ZMYM2: variants seen among roughly 807,000 people sequenced by gnomAD.
The protein encoded by ZMYM2 is zinc finger MYM-type containing 2, also known as zinc finger MYM-type protein 2.
ZMYM2 carries 56 observed loss-of-function variants against 162.8 expected under a neutral mutation model. That is an observed-to-expected ratio of 0.34 (90% CI 0.28 to 0.43). The LOEUF is 0.43. Ranked by LOEUF, ZMYM2 falls within the 20% of genes least tolerant of loss-of-function variation. ZMYM2 has a pLI of 1.00. For synonymous variants in ZMYM2, 510 were observed against 541.6 expected, an observed-to-expected ratio of 0.94 and a Z score of 0.81; for missense variants, 1,275 against 1,621.8, an observed-to-expected ratio of 0.79 and a Z score of 3.67.
intron 4 of ZMYM2, 76 bp from the exon 5 acceptor site, chr13:20,004,998 T>G: frequency 8.0e-7 from 1 of 1,242,464 alleles, no homozygotes; most frequent in South Asian, 1.4e-5. Context: ...TCTATAGAAA[T>G]GAAAAATGTC....
intron 2 of ZMYM2, among the ~76,000 whole-genome samples, chr13:19,989,188 CAGT>C (rs1438132726): frequency 6.6e-6 from 1 of 152,140 alleles, no homozygotes; most frequent in African/African-American, 2.4e-5. Context: ...CATAACATCA[CAGT>C]AGTAATTTTC....
rs752430586 is a variant in ZMYM2, at chr13:19,993,880, G to A, written c.808G>A (p.Val270Ile). ...TGGTAGAATGAATGTGGCAGGAGACGTTTTTCAGAATGGAGAATCTGCAAC... is the reference window on the plus strand; with the variant it reads ...TGGTAGAATGAATGTGGCAGGAGACATTTTTCAGAATGGAGAATCTGCAAC... Reference protein sequence around the residue: ...NPGRMNVAGDVFQNGESATHH... With the variant: ...NPGRMNVAGDIFQNGESATHH... The change falls in exon 3 of 25, where the codon GTT becomes ATT. Residue 270 changes from valine (V) to isoleucine (I), a missense_variant. Coordinates refer to ENST00000610343, the MANE Select transcript of ZMYM2 (RefSeq NM_197968.4). 13 of 1,613,458 alleles carry A rather than the reference G, an allele frequency of 8.1e-6. No homozygotes were observed. Among genetic ancestry groups the A allele is most frequent in the South Asian group, 5.5e-5 (5 of 90,948 alleles).
In ZMYM2 at chr13:20,036,785, G is replaced by A. The variant is rs1240584538; in HGVS notation, c.2168G>A (p.Arg723Lys). Residue 723 changes from arginine to lysine, a missense_variant, in exon 12 of 25, where the codon AGA becomes AAA. Physicochemically the swap from Arg to Lys is conservative, Grantham distance 26. Around this residue, in one of 10 missense-constraint regions of ZMYM2, gnomAD observed 177 missense variants for 228.0 expected, o/e 0.78. Coordinates refer to ENST00000610343, the MANE Select transcript of ZMYM2 (RefSeq NM_197968.4). ...KQDFARRLGLRCVTCNYCSQL... is the reference protein window; with the variant it reads ...KQDFARRLGLKCVTCNYCSQL... ...GATTTTGCCAGACGTTTAGGATTGA[G>A]ATGTGTTACTTGCAACTATTGTTCT... 6.2e-7 allele frequency: 1 copy of A among 1,600,996 alleles called. No homozygotes were observed. Among genetic ancestry groups the A allele is most frequent in the South Asian group, 1.1e-5 (1 of 88,504 alleles).
At chr13:19,909,877 T>C in the ZMYM2 span, among the ~76,000 whole-genome samples, 1 of 151,862 alleles carries the variant, frequency 6.6e-6, no homozygotes, top group African/African-American at 2.4e-5. Context: ...TGTGTAGGAA[T>C]GAATATGAAG....
intron 12 of ZMYM2, among the ~76,000 whole-genome samples, chr13:20,045,559 G>A (rs1375604377): frequency 6.6e-6 from 1 of 152,096 alleles, no homozygotes; most frequent in Non-Finnish European, 1.5e-5. Flanking sequence ...GTTACTTCAT[G>A]GCCTTGCAAT....
intron 19 of ZMYM2, among the ~76,000 whole-genome samples, chr13:20,065,927 A>G (rs1299403720): frequency 6.6e-6 from 1 of 152,220 alleles, no homozygotes; most frequent in Non-Finnish European, 1.5e-5. Context: ...GTCACTCTCT[A>G]TAAGGTGGAG....
intron 12 of ZMYM2, among the ~76,000 whole-genome samples, chr13:20,039,765 C>T (rs542991957): frequency 3.1e-4 from 47 of 152,112 alleles, no homozygotes; most frequent in Non-Finnish European, 6.5e-4. Flanking sequence ...CGTGAGCCAC[C>T]GTCCCCAGCC....
At chr13:19,986,624 A>G (rs1163751823) in intron 2 of ZMYM2, among the ~76,000 whole-genome samples, 1 of 152,216 alleles carries the variant, frequency 6.6e-6, no homozygotes, top group Non-Finnish European at 1.5e-5. Flanking sequence ...AAAAATTGAA[A>G]TATACTGAAT....
chr13:19,995,002 T>TAAA (rs11415288), intron 3 of ZMYM2, among the ~76,000 whole-genome samples: 1 of 140,556 alleles, frequency 7.1e-6, no homozygotes, highest in Non-Finnish European at 1.5e-5. Context: ...CTGGCTAAAT[T>TAAA]AAAAAAAAAA....
chr13:19,880,643 G>A, the ZMYM2 span, among the ~76,000 whole-genome samples: 1 of 152,054 alleles, frequency 6.6e-6, no homozygotes, highest in Non-Finnish European at 1.5e-5. Context: ...TGCCCAGGCT[G>A]GTCTTGAACT....
At chr13:20,069,439 C>G (rs1593219147) in intron 21 of ZMYM2, among the ~76,000 whole-genome samples, 1 of 25,200 alleles carries the variant, frequency 4.0e-5, no homozygotes, top group Non-Finnish European at 7.3e-4. Context: ...TGGTAGCTCC[C>G]TGTTACCAAG....
the ZMYM2 span, among the ~76,000 whole-genome samples, chr13:19,930,328 G>T: frequency 6.6e-6 from 1 of 151,984 alleles, no homozygotes; most frequent in African/African-American, 2.4e-5. Context: ...TTGAACCCAG[G>T]AGGCGAAGGT....
chr13:20,054,831 T>TA (rs1203915600), intron 14 of ZMYM2, among the ~76,000 whole-genome samples: 1 of 152,150 alleles, frequency 6.6e-6, no homozygotes, highest in East Asian at 1.9e-4. Context: ...GCCTGGTATG[T>TA]AACAGATACT....
the ZMYM2 span, among the ~76,000 whole-genome samples, chr13:19,938,190 C>T: frequency 1.9e-4 from 29 of 152,142 alleles, no homozygotes; most frequent in East Asian, 1.6e-3. Context: ...CTGGGTCAAA[C>T]GGTATTTCTA....
chr13:19,916,158 C>A, the ZMYM2 span, among the ~76,000 whole-genome samples: 1 of 151,914 alleles, frequency 6.6e-6, no homozygotes. Context: ...ACCGCACCCA[C>A]CCGAGATAAC....
At position 19,993,939 on chromosome 13, in the gene ZMYM2, C is replaced by T; in HGVS notation, c.847+20C>T. 14 of 1,583,222 alleles carry T rather than the reference C, an allele frequency of 8.8e-6. No individual in the cohort carries two copies. Among genetic ancestry groups the T allele is most frequent in the Non-Finnish European group, 1.2e-5 (14 of 1,169,924 alleles). ...ATCCTGGTAAGCAGTAAGAGATACTCTACTTCATGTAAATGAATTTAAACT... is the reference window on the plus strand; with the variant it reads ...ATCCTGGTAAGCAGTAAGAGATACTTTACTTCATGTAAATGAATTTAAACT... On this transcript the variant is annotated intron_variant, in intron 3 of 24. Coordinates refer to ENST00000610343, the MANE Select transcript of ZMYM2 (RefSeq NM_197968.4).
At chr13:20,046,533 G>A (rs1375700203) in intron 12 of ZMYM2, among the ~76,000 whole-genome samples, 1 of 137,802 alleles carries the variant, frequency 7.3e-6, no homozygotes, top group Non-Finnish European at 1.6e-5. Flanking sequence ...TGGCCTGGGG[G>A]ACACAGTAAG....
intron 3 of ZMYM2, among the ~76,000 whole-genome samples, chr13:19,996,020 A>C (rs118139324): frequency 6.6e-6 from 1 of 151,902 alleles, no homozygotes; most frequent in Non-Finnish European, 1.5e-5. Context: ...TGACTTTTTC[A>C]TGACATGTCT....
the ZMYM2 span, among the ~76,000 whole-genome samples, chr13:19,888,730 G>A: frequency 4.5e-4 from 68 of 151,642 alleles, 1 homozygote; most frequent in Admixed American, 3.8e-3. Context: ...CTCCTGAGTC[G>A]CTGGGATTAC....
Sources: gnomAD v4.1 joint callset for allele counts (sites outside exome capture counted in the v4.1 genomes callset) on GRCh38, gnomAD v4.1.1 for gene constraint, gnomAD v4.1.1 regional missense constraint, MANE v1.5 for transcripts, NCBI Gene and HGNC (gene_info 2026-07-23, HGNC 2026-07-21) for gene names.